The following INPP4A variants were observed in gnomAD, a reference collection of about 807,000 sequenced individuals.
INPP4A encodes inositol polyphosphate-4-phosphatase type I A, also known as inositol polyphosphate-4-phosphatase, type I, 107kD.
Under a neutral mutation model 119.8 loss-of-function variants are expected in INPP4A, and 33 were observed. The ratio of observed to expected loss-of-function variants is 0.28; its 90% CI spans 0.21 to 0.37. The LOEUF (loss-of-function observed/expected upper bound fraction) is 0.37. Among genes scored for constraint, INPP4A ranks in the 10% least tolerant of loss-of-function variants. INPP4A has a pLI of 1.00. For synonymous variants in INPP4A, 496 were observed against 500.7 expected, an observed-to-expected ratio of 0.99 and a Z score of 0.12; for missense variants, 956 against 1,289.9, an observed-to-expected ratio of 0.74 and a Z score of 3.97.
intron 17 of INPP4A, among the ~76,000 whole-genome samples, chr2:98,561,993 CCT>C (rs1695560695): frequency 6.6e-6 from 1 of 152,076 alleles, no homozygotes; most frequent in South Asian, 2.1e-4. Context: ...TTATCTAGTG[CCT>C]CTCTCTCATT....
chr2:98,584,431 C>G (rs1222013098), intron 24 of INPP4A, among the ~76,000 whole-genome samples: 4 of 152,228 alleles, frequency 2.6e-5, no homozygotes, highest in African/African-American at 9.6e-5. Context: ...GCAGACAGCA[C>G]CCCTCCCTCT....
At chr2:98,484,234 G>A (rs1024798672) in intron 1 of INPP4A, among the ~76,000 whole-genome samples, 4 of 152,054 alleles carry the variant, frequency 2.6e-5, no homozygotes, top group African/African-American at 9.7e-5. Context: ...TGAGCCGCTA[G>A]CCTTCAGCTT....
At chr2:98,568,717 C>G (rs1696922245) in intron 22 of INPP4A, 49 bp downstream of exon 22, 2 of 1,022,608 alleles carry the variant, frequency 2.0e-6, no homozygotes, top group East Asian at 5.1e-5. Flanking sequence ...GTCTTTTTAT[C>G]AGTTTAGATG....
In INPP4A at chr2:98,589,683, C is replaced by T. The variant is rs1274166192; in HGVS notation, c.*2075C>T. 5.5e-6 allele frequency: 1 copy of T among 180,800 alleles called. No homozygotes were observed. Among genetic ancestry groups the T allele is most frequent in the Non-Finnish European group, 1.2e-5 (1 of 84,632 alleles). The allele number at this position is 180,800 out of a possible 1,614,324, so 11.2% of individuals were successfully genotyped here. A position where few individuals can be genotyped will look rare whatever the true frequency, so the allele number is the denominator to read the frequency against. Reference sequence around the variant, plus strand: ...CATTCCTGGGCTTCCGGCAGCATCACACGCTTCCAGTGCCTGCAGGGTGAG... The same window carrying T: ...CATTCCTGGGCTTCCGGCAGCATCATACGCTTCCAGTGCCTGCAGGGTGAG... On this transcript the variant is annotated 3_prime_UTR_variant, in exon 25 of 25. Transcript: ENST00000409851.
intron 11 of INPP4A, 45 bp downstream of exon 11, chr2:98,544,052 C>A: frequency 1.3e-6 from 2 of 1,503,082 alleles, no homozygotes; most frequent in Non-Finnish European, 1.8e-6. Context: ...TGCGCACACA[C>A]ACACACACAC....
chr2:98,452,097 T>C lies in INPP4A; in HGVS notation c.-166+7012T>C, dbSNP rs117112515. On this transcript the variant is annotated intron_variant, in intron 1 of 24. Coordinates refer to ENST00000409851, the MANE Select transcript of INPP4A (RefSeq NM_001134225.2). Reference sequence around the variant, plus strand: ...AGATGGTCGTTGGGGGCAGTGGGACTGCGTGCTTCCTTGTTCCTGTCCAGC... The same window carrying C: ...AGATGGTCGTTGGGGGCAGTGGGACCGCGTGCTTCCTTGTTCCTGTCCAGC... 1.9e-4 allele frequency among the ~76,000 whole-genome samples: 29 copies of C among 152,332 alleles called. No individual in the cohort carries two copies. The East Asian group carries it at 5.6e-3, about 29-fold the overall frequency.
intron 18 of INPP4A, among the ~76,000 whole-genome samples, chr2:98,564,016 A>G (rs1695988686): frequency 1.3e-5 from 2 of 150,246 alleles, no homozygotes; most frequent in African/African-American, 4.9e-5. Context: ...CATTGCTCGT[A>G]TAACAGTAGG....
intron 1 of INPP4A, among the ~76,000 whole-genome samples, chr2:98,511,642 G>C (rs1310282937): frequency 6.6e-6 from 1 of 152,138 alleles, no homozygotes; most frequent in Non-Finnish European, 1.5e-5. Context: ...ACTTCCCTGG[G>C]AGTCCAGGGT....
chr2:98,525,250 G>T (rs1413747714), intron 4 of INPP4A, among the ~76,000 whole-genome samples: 1 of 152,118 alleles, frequency 6.6e-6, no homozygotes, highest in Non-Finnish European at 1.5e-5. Context: ...TTCAAAGCTG[G>T]CAGTGGCAGG....
chr2:98,529,520 G>A (rs1688804244), intron 4 of INPP4A, among the ~76,000 whole-genome samples: 1 of 152,078 alleles, frequency 6.6e-6, no homozygotes, highest in Non-Finnish European at 1.5e-5. Context: ...TGGATCACGA[G>A]GTCAGGAGAT....
chr2:98,461,833 A>G (rs1166996110), intron 1 of INPP4A, among the ~76,000 whole-genome samples: 1 of 152,204 alleles, frequency 6.6e-6, no homozygotes, highest in Non-Finnish European at 1.5e-5. Context: ...TCCATTGTCC[A>G]GCTGCATGCT....
At chr2:98,513,942 G>A (rs1453955446) in intron 1 of INPP4A, among the ~76,000 whole-genome samples, 1 of 152,198 alleles carries the variant, frequency 6.6e-6, no homozygotes, top group Non-Finnish European at 1.5e-5. Flanking sequence ...AGAATTGGTG[G>A]CCCTGAAGCC....
intron 4 of INPP4A, among the ~76,000 whole-genome samples, chr2:98,531,105 C>G (rs1056881011): frequency 1.3e-5 from 2 of 152,200 alleles, no homozygotes; most frequent in African/African-American, 2.4e-5. Flanking sequence ...ACTTAATCAC[C>G]TCTGAAAGGC....
At chr2:98,520,231 C>T in intron 3 of INPP4A, 77 bp downstream of exon 3, 1 of 1,111,874 alleles carries the variant, frequency 9.0e-7, no homozygotes. Flanking sequence ...GCAGTGCTGG[C>T]AGGTACCCAA....
intron 1 of INPP4A, among the ~76,000 whole-genome samples, chr2:98,457,393 TCAAA>T (rs894408194): frequency 2.0e-5 from 3 of 152,166 alleles, no homozygotes; most frequent in African/African-American, 4.8e-5. Flanking sequence ...CCAGCCTGTC[TCAAA>T]CAAACAAACA....
At chr2:98,515,860 C>T (rs933455295) in intron 1 of INPP4A, among the ~76,000 whole-genome samples, 1 of 152,234 alleles carries the variant, frequency 6.6e-6, no homozygotes, top group Admixed American at 6.5e-5. Context: ...TCCCTGCCCC[C>T]CATGGCTGGA....
Position 98,529,979 on chromosome 2 carries a change from A to T in INPP4A, c.152-3398A>T, listed in dbSNP as rs1274552258. 2.6e-5 allele frequency among the ~76,000 whole-genome samples: 4 copies of T among 152,314 alleles called. No individual in the cohort carries two copies. In the East Asian group the frequency reaches 7.7e-4, roughly 29 times the overall value. On this transcript the variant is annotated intron_variant, in intron 4 of 24. Transcript: ENST00000409851. ...ATTTGGTAGTTCTAGTATTTGATTG[A>T]TAGGAGACCTAGAAGCAGAGAGAGA...
rs549350491 is a variant in INPP4A, at chr2:98,511,236, T to G, written c.-165-7728T>G. Among the ~76,000 whole-genome samples, 7 of 152,294 alleles carry G rather than the reference T, an allele frequency of 4.6e-5. No individual in the cohort carries two copies. The East Asian group carries it at 1.3e-3, about 29-fold the overall frequency. On this transcript the variant is annotated intron_variant, in intron 1 of 24. Coordinates refer to ENST00000409851, the MANE Select transcript of INPP4A (RefSeq NM_001134225.2). ...CACCACGCCCAGCTAATTTTTTGTA[T>G]TTTTAGTAGAAAGGGGTTTCACCAC... is the stretch of plus-strand genomic sequence containing the variant.
At chr2:98,573,833 T>C (rs1359477919) in intron 23 of INPP4A, among the ~76,000 whole-genome samples, 2 of 152,196 alleles carry the variant, frequency 1.3e-5, no homozygotes, top group African/African-American at 4.8e-5. Flanking sequence ...AGCCGCACTT[T>C]TTGAATGTGC....
Sources: allele counts gnomAD v4.1 joint callset (sites outside exome capture counted in the v4.1 genomes callset), GRCh38; gene constraint gnomAD v4.1.1; transcripts MANE v1.5; gene names NCBI Gene and HGNC (gene_info 2026-07-23, HGNC 2026-07-21).